The following TUSC3 variants were observed in gnomAD, a reference collection of about 807,000 sequenced individuals.
TUSC3 encodes the protein tumor suppressor candidate 3, also known as dolichyl-diphosphooligosaccharide--protein glycosyltransferase subunit TUSC3.
Under a neutral mutation model 44.8 loss-of-function variants are expected in TUSC3, and 45 were observed. The ratio of observed to expected loss-of-function variants is 1.00; its 90% CI spans 0.79 to 1.29. The LOEUF (loss-of-function observed/expected upper bound fraction) is 1.29. Ranked by LOEUF, TUSC3 falls within the 50% of genes most tolerant of loss-of-function variation. The pLI, the probability that TUSC3 is intolerant of heterozygous loss-of-function variation, is 0.00. For synonymous variants in TUSC3, 212 were observed against 152.9 expected (o/e 1.39, Z -2.85); for missense variants, 519 against 437.9 (o/e 1.19, Z -1.65).
At chr8:15,708,782 C>T (rs1053949045) in intron 6 of TUSC3, among the ~76,000 whole-genome samples, 5 of 151,840 alleles carry the variant, frequency 3.3e-5, no homozygotes, top group Middle Eastern at 3.4e-3. Context: ...TTACAAGATA[C>T]GTGGAGTCAT....
chr8:15,830,838 G>A, the TUSC3 span, among the ~76,000 whole-genome samples: 2 of 152,178 alleles, frequency 1.3e-5, no homozygotes, highest in South Asian at 4.1e-4. Context: ...TACACTAGAA[G>A]CTTAAACCTC....
intron 1 of TUSC3, among the ~76,000 whole-genome samples, chr8:15,576,652 T>C (rs1022625778): frequency 2.1e-5 from 3 of 141,790 alleles, no homozygotes; most frequent in African/African-American, 5.5e-5. Flanking sequence ...CATCATTTTT[T>C]ATGGCTGCAT....
chr8:15,792,026 G>A, the TUSC3 span, among the ~76,000 whole-genome samples: 5 of 152,034 alleles, frequency 3.3e-5, no homozygotes, highest in African/African-American at 1.2e-4. Context: ...CCACAGACAT[G>A]TAGGAGAGTG....
At chr8:15,602,664 A>T (rs73193377) in intron 1 of TUSC3, among the ~76,000 whole-genome samples, 7,349 of 102,098 alleles carry the variant, frequency 0.072, 213 homozygotes, top group Middle Eastern at 0.16. Flanking sequence ...TAAAATATTT[A>T]TATGTGTGTG....
intron 1 of TUSC3, among the ~76,000 whole-genome samples, chr8:15,553,259 C>T (rs1802119243): frequency 6.6e-6 from 1 of 151,650 alleles, no homozygotes; most frequent in South Asian, 2.1e-4. Context: ...GAATTGAATT[C>T]ATGGTGGTGG....
chr8:15,762,397 GAAAA>G (rs1812198932), intron 10 of TUSC3, among the ~76,000 whole-genome samples: 1 of 151,610 alleles, frequency 6.6e-6, no homozygotes, highest in Non-Finnish European at 1.5e-5. Context: ...ATTACTAAAT[GAAAA>G]AAACAGTAGC....
intron 2 of TUSC3, among the ~76,000 whole-genome samples, chr8:15,626,994 G>A (rs1328921052): frequency 6.6e-6 from 1 of 152,090 alleles, no homozygotes; most frequent in Non-Finnish European, 1.5e-5. Flanking sequence ...GGGCTGGGCT[G>A]CCGGTCCCGT....
At chr8:15,454,761 A>G (rs748233284) in intron 1 of TUSC3, among the ~76,000 whole-genome samples, 2 of 152,192 alleles carry the variant, frequency 1.3e-5, no homozygotes, top group Non-Finnish European at 2.9e-5. Flanking sequence ...CAAAGTAGGT[A>G]AAGTGTGGAA....
At chr8:15,625,450 A>G (rs13257136) in intron 2 of TUSC3, among the ~76,000 whole-genome samples, 37,745 of 152,160 alleles carry the variant, frequency 0.25, 4,968 homozygotes, top group Non-Finnish European at 0.29. Flanking sequence ...AGCATTTTCC[A>G]GTAAAATCAT....
At chr8:15,773,977 C>G in the TUSC3 span, among the ~76,000 whole-genome samples, 1 of 152,068 alleles carries the variant, frequency 6.6e-6, no homozygotes, top group Non-Finnish European at 1.5e-5. Flanking sequence ...CTCTTTTGAC[C>G]TAGGGTTTGG....
At chr8:15,638,279 C>T (rs1806184629) in intron 2 of TUSC3, among the ~76,000 whole-genome samples, 1 of 151,906 alleles carries the variant, frequency 6.6e-6, no homozygotes, top group Admixed American at 6.6e-5. Flanking sequence ...AATTTCCTCA[C>T]TTCCATTTAC....
the TUSC3 span, among the ~76,000 whole-genome samples, chr8:15,815,659 C>G: frequency 1.2e-4 from 18 of 152,142 alleles, no homozygotes; most frequent in African/African-American, 4.3e-4. Flanking sequence ...TTAGACAGAG[C>G]TCTGACTTTC....
At chr8:15,797,508 G>C in the TUSC3 span, among the ~76,000 whole-genome samples, 2 of 152,180 alleles carry the variant, frequency 1.3e-5, no homozygotes, top group Non-Finnish European at 2.9e-5. Context: ...ACTTTTGCTA[G>C]AGGAAGTGTG....
At chr8:15,497,708 T>C (rs1428061506) in intron 2 of TUSC3, among the ~76,000 whole-genome samples, 2 of 151,374 alleles carry the variant, frequency 1.3e-5, no homozygotes, top group Admixed American at 6.6e-5. Flanking sequence ...AGAAGTTTTC[T>C]TTTTTCTTTC....
At chr8:15,770,525 A>G (rs1317765084), downstream of TUSC3, among the ~76,000 whole-genome samples, 1 of 152,212 alleles carries the variant, frequency 6.6e-6, no homozygotes, top group Admixed American at 6.5e-5. Context: ...CATGTTTTGC[A>G]CATGTATCCC....
At chr8:15,485,900 C>G (rs992530384) in intron 2 of TUSC3, among the ~76,000 whole-genome samples, 14 of 151,960 alleles carry the variant, frequency 9.2e-5, no homozygotes, top group Non-Finnish European at 2.9e-5. Context: ...TCAAGTGATT[C>G]CTGCCTCAGC....
At chr8:15,424,944 T>A (rs186368883) in intron 1 of TUSC3, among the ~76,000 whole-genome samples, 3 of 152,022 alleles carry the variant, frequency 2.0e-5, no homozygotes, top group Non-Finnish European at 2.9e-5. Context: ...TGGGCAGACA[T>A]GTACAAAAGA....
chr8:15,676,908 C>G (rs1478802948), intron 6 of TUSC3, among the ~76,000 whole-genome samples: 2 of 152,090 alleles, frequency 1.3e-5, no homozygotes, highest in African/African-American at 4.8e-5. Context: ...ATTTGAAAAA[C>G]TGAAATAGCT....
At chr8:15,433,190 T>G (rs558854374) in intron 1 of TUSC3, among the ~76,000 whole-genome samples, 1 of 152,250 alleles carries the variant, frequency 6.6e-6, no homozygotes, top group East Asian at 1.9e-4. Flanking sequence ...CCAAGTAACT[T>G]CTTTCATTCT....
Sources: gnomAD v4.1 joint callset for allele counts (sites outside exome capture counted in the v4.1 genomes callset) on GRCh38, gnomAD v4.1.1 for gene constraint, MANE v1.5 for transcripts, NCBI Gene and HGNC (gene_info 2026-07-23, HGNC 2026-07-21) for gene names.